LRCH1: variants seen among roughly 807,000 people sequenced by gnomAD.
The protein encoded by LRCH1 is leucine rich repeats and calponin homology domain containing 1.
A neutral mutation model predicts 94.9 loss-of-function variants in LRCH1; 23 were observed. The ratio of observed to expected loss-of-function variants is 0.24; its 90% CI spans 0.17 to 0.34. The LOEUF (loss-of-function observed/expected upper bound fraction) is 0.34, where lower values mean the gene tolerates loss of function less well. Ranked by LOEUF, LRCH1 falls within the 10% of genes least tolerant of loss-of-function variation. LRCH1 has a pLI of 1.00. For synonymous variants in LRCH1, 364 were observed against 354.9 expected, an observed-to-expected ratio of 1.03 and a Z score of -0.29; for missense variants, 790 against 945.9, an observed-to-expected ratio of 0.84 and a Z score of 2.16.
intron 6 of LRCH1, 108 bp from the exon 7 acceptor site, chr13:46,689,025 A>G: frequency 4.5e-6 from 4 of 882,788 alleles, no homozygotes; most frequent in Non-Finnish European, 7.1e-6. Flanking sequence ...AATAATAAAA[A>G]TTTGCGTAGC....
At chr13:46,614,116 T>C (rs2138008756) in intron 1 of LRCH1, among the ~76,000 whole-genome samples, 1 of 152,354 alleles carries the variant, frequency 6.6e-6, no homozygotes, top group African/African-American at 2.4e-5. Context: ...ACCTTTCTTT[T>C]TTTGTGGCGA....
intron 1 of LRCH1, among the ~76,000 whole-genome samples, chr13:46,628,689 C>T (rs1175385769): frequency 2.0e-5 from 3 of 151,680 alleles, no homozygotes; most frequent in Non-Finnish European, 2.9e-5. Flanking sequence ...ACACAAGGCC[C>T]GGCAGGCTGA....
downstream of LRCH1, among the ~76,000 whole-genome samples, chr13:46,745,739 T>C (rs1243590786): frequency 6.6e-6 from 1 of 152,126 alleles, no homozygotes; most frequent in Non-Finnish European, 1.5e-5. Flanking sequence ...GCCAGGACTT[T>C]ATATATAAGA....
rs1212520173 is a variant in LRCH1 at position 46,614,615 on chromosome 13, T to G, written c.308-35586T>G. 2.0e-5 allele frequency among the ~76,000 whole-genome samples: 3 copies of G among 152,318 alleles called. No homozygotes were observed. The East Asian group carries it at 5.8e-4, about 29-fold the overall frequency. The stretch of plus-strand genomic sequence containing the variant: ...CTGTTTCCCAATTACACCTAGACTT[T>G]TATCGTGAATCAGGTTTTCTAGTTG... On this transcript the variant is annotated intron_variant, in intron 1 of 19. Coordinates refer to ENST00000389797, the MANE Select transcript of LRCH1 (RefSeq NM_001164211.2).
intron 1 of LRCH1, among the ~76,000 whole-genome samples, chr13:46,648,440 C>T (rs2051250697): frequency 1.3e-5 from 2 of 152,164 alleles, no homozygotes; most frequent in Non-Finnish European, 2.9e-5. Context: ...TAATTCATGC[C>T]ATTGACCTTC....
rs187077563 is a variant in LRCH1 at position 46,647,205 on chromosome 13, G to A, written c.308-2996G>A. On this transcript the variant is annotated intron_variant, in intron 1 of 19. Transcript: ENST00000389797. ...ATGAGAAAGACTGCTAGGTTAAAGT[G>A]TATGTGCATTTGTAATATTTACAGA... is the stretch of plus-strand genomic sequence containing the variant. Among the ~76,000 whole-genome samples the A allele has an allele frequency of 3.6e-4, 54 of 151,982 alleles. 1 individual carries two copies. The South Asian group carries it at 5.4e-3, about 15-fold the overall frequency.
chr13:46,667,219 G>A (rs1238880838), intron 2 of LRCH1, among the ~76,000 whole-genome samples: 1 of 152,098 alleles, frequency 6.6e-6, no homozygotes, highest in East Asian at 1.9e-4. Flanking sequence ...GTAATTGAGT[G>A]CCCTGGAGCA....
intron 6 of LRCH1, 62 bp from the exon 7 acceptor site, chr13:46,689,071 G>T: frequency 1.6e-6 from 2 of 1,272,172 alleles, no homozygotes; most frequent in South Asian, 1.3e-5. Flanking sequence ...ATGTTTCTTG[G>T]TGTGAACTTT....
At chr13:46,573,866 ATTTTT>A (rs540821255) in intron 1 of LRCH1, among the ~76,000 whole-genome samples, 2 of 63,420 alleles carry the variant, frequency 3.2e-5, no homozygotes, top group African/African-American at 1.0e-4. Flanking sequence ...ATATATATAT[ATTTTT>A]TTTTTTTTTG....
At chr13:46,571,061 T>G (rs1000169059) in intron 1 of LRCH1, among the ~76,000 whole-genome samples, 1 of 152,200 alleles carries the variant, frequency 6.6e-6, no homozygotes, top group African/African-American at 2.4e-5. Flanking sequence ...AGTGCTGAAA[T>G]TCACCCTAGA....
At chr13:46,694,794 A>G (rs1171449755) in intron 8 of LRCH1, 99 bp from the exon 9 acceptor site, 31 of 1,320,616 alleles carry the variant, frequency 2.3e-5, no homozygotes, top group Middle Eastern at 1.9e-4. Flanking sequence ...TAGGGAACAC[A>G]GAAGACTTGA....
intron 3 of LRCH1, among the ~76,000 whole-genome samples, chr13:46,674,925 A>T (rs989398349): frequency 6.6e-6 from 1 of 152,130 alleles, no homozygotes; most frequent in South Asian, 2.1e-4. Flanking sequence ...TGGGGCTGTG[A>T]TTTTTCTCCT....
chr13:46,585,546 G>A (rs1366296776), intron 1 of LRCH1, among the ~76,000 whole-genome samples: 1 of 125,248 alleles, frequency 8.0e-6, no homozygotes, highest in Non-Finnish European at 1.6e-5. Flanking sequence ...GAGCGAGACT[G>A]CATCTCAAAA....
At chr13:46,709,947 T>G (rs1204320825) in intron 13 of LRCH1, among the ~76,000 whole-genome samples, 1 of 152,190 alleles carries the variant, frequency 6.6e-6, no homozygotes, top group African/African-American at 2.4e-5. Flanking sequence ...TAAAATATGA[T>G]CCTTACTTAT....
chr13:46,599,297 A>G (rs1297473925), intron 1 of LRCH1, among the ~76,000 whole-genome samples: 1 of 152,244 alleles, frequency 6.6e-6, no homozygotes, highest in African/African-American at 2.4e-5. Flanking sequence ...TAATGCTGCC[A>G]TGAACGTGGG....
intron 1 of LRCH1, among the ~76,000 whole-genome samples, chr13:46,641,572 T>C (rs1433001682): frequency 6.6e-6 from 1 of 152,138 alleles, no homozygotes; most frequent in Non-Finnish European, 1.5e-5. Context: ...GAACTGGTAA[T>C]GATTTTGACT....
intron 1 of LRCH1, among the ~76,000 whole-genome samples, chr13:46,612,610 C>A (rs1336232032): frequency 6.6e-6 from 1 of 152,146 alleles, no homozygotes; most frequent in Non-Finnish European, 1.5e-5. Flanking sequence ...ACTCCAAGGA[C>A]CACTCTCTTT....
intron 2 of LRCH1, among the ~76,000 whole-genome samples, chr13:46,660,189 T>C (rs988980016): frequency 6.6e-6 from 1 of 151,026 alleles, no homozygotes; most frequent in Non-Finnish European, 1.5e-5. Flanking sequence ...TTTTTTGTAT[T>C]TTTTTTAGTA....
chr13:46,743,668 C>T lies in LRCH1; in HGVS notation c.*1820C>T, dbSNP rs527673611. On this transcript the variant is annotated 3_prime_UTR_variant, in exon 20 of 20. Coordinates refer to ENST00000389797, the MANE Select transcript of LRCH1 (RefSeq NM_001164211.2). Reference sequence around the variant, plus strand: ...AGCATTCCCATCCAGCTCTGCAGTGCATTGAGGCTTCTCTTTAATGGTCAC... The same window carrying T: ...AGCATTCCCATCCAGCTCTGCAGTGTATTGAGGCTTCTCTTTAATGGTCAC... 3.0e-5 allele frequency: 30 copies of T among 985,248 alleles called. No homozygotes were observed. The African/African-American group carries it at 4.7e-4, about 15-fold the overall frequency. 61.0% of individuals were successfully genotyped at this position (985,248 alleles called of 1,614,324 possible).
Sources: allele counts gnomAD v4.1 joint callset (sites outside exome capture counted in the v4.1 genomes callset), GRCh38; gene constraint gnomAD v4.1.1; transcripts MANE v1.5; gene names NCBI Gene and HGNC (gene_info 2026-07-23, HGNC 2026-07-21).